Variants in SLC35F4 observed in about 807,000 individuals in gnomAD.
SLC35F4 encodes the protein solute carrier family 35 member F4.
In SLC35F4, 24 loss-of-function variants were observed where a neutral mutation model predicts 44.2. The ratio of observed to expected loss-of-function variants is 0.54; its 90% CI spans 0.39 to 0.76. The LOEUF is 0.76. SLC35F4 is among the 30% of genes least tolerant of loss of function. The probability of loss-of-function intolerance (pLI) is 0.00; values close to 1 mark genes in which losing one functional copy is unlikely to be tolerated. For synonymous variants in SLC35F4, 238 were observed against 223.6 expected (o/e 1.06, Z -0.57); for missense variants, 562 against 586.1 (o/e 0.96, Z 0.42).
chr14:57,956,306 A>G (rs1890236367), intron 1 of SLC35F4, among the ~76,000 whole-genome samples: 1 of 152,226 alleles, frequency 6.6e-6, no homozygotes, highest in Non-Finnish European at 1.5e-5. Flanking sequence ...TGGATTAAAG[A>G]CTTAAACGTA....
chr14:57,569,565 C>T (rs1404713718), intron 6 of SLC35F4, among the ~76,000 whole-genome samples: 6 of 152,172 alleles, frequency 3.9e-5, no homozygotes, highest in Non-Finnish European at 2.9e-5. Context: ...CCTGGGCCTC[C>T]AGTGCACACC....
At chr14:57,705,702 T>C (rs1182106598) in intron 1 of SLC35F4, among the ~76,000 whole-genome samples, 1 of 152,204 alleles carries the variant, frequency 6.6e-6, no homozygotes, top group African/African-American at 2.4e-5. Context: ...CCACTGTGAT[T>C]AGACTCTGAA....
At chr14:57,848,873 A>C (rs1261310437) in intron 1 of SLC35F4, among the ~76,000 whole-genome samples, 1 of 152,174 alleles carries the variant, frequency 6.6e-6, no homozygotes, top group Non-Finnish European at 1.5e-5. Context: ...CACCTTGGTT[A>C]CTTCATATTG....
At chr14:57,874,970 GAATA>G (rs148708016) in intron 1 of SLC35F4, among the ~76,000 whole-genome samples, 23,011 of 149,754 alleles carry the variant, frequency 0.15, 1,827 homozygotes, top group South Asian at 0.22. Context: ...AGAGGCAGTG[GAATA>G]AATAAATAAA....
At chr14:57,957,972 A>G (rs1890270181) in intron 1 of SLC35F4, among the ~76,000 whole-genome samples, 1 of 152,206 alleles carries the variant, frequency 6.6e-6, no homozygotes, top group Non-Finnish European at 1.5e-5. Context: ...TTTATAGAAA[A>G]TAACTGCTGC....
rs530749482 is a variant in SLC35F4, at chr14:57,720,147, A to G, written c.104-126023T>C. 2.6e-5 allele frequency among the ~76,000 whole-genome samples: 4 copies of G among 152,328 alleles called. No homozygotes were observed. The South Asian group carries it at 8.3e-4, about 32-fold the overall frequency. ...CATATCAAATCAATGATATGCAAAT[A>G]TCATTGAACCTTCCTTGCATCCCTG... On this transcript the variant is annotated intron_variant, in intron 1 of 7. Coordinates refer to ENST00000556826, the MANE Select transcript of SLC35F4 (RefSeq NM_001306087.2).
rs146328947 is a variant in SLC35F4 at position 57,614,367 on chromosome 14, C to T, written c.104-20243G>A. Among the ~76,000 whole-genome samples, 285 of 152,236 alleles carry T rather than the reference C, an allele frequency of 1.9e-3. 1 individual carries two copies. Among genetic ancestry groups the T allele is most frequent in the African/African-American group, 5.9e-3 (247 of 41,524 alleles). On this transcript the variant is annotated intron_variant, in intron 1 of 7. Coordinates refer to ENST00000556826, the MANE Select transcript of SLC35F4 (RefSeq NM_001306087.2). ...TTTCCAAAAACTCTCAGTGTTGGTG[C>T]CCTGGATATTTATTCTGTTTAATTT... is the stretch of plus-strand genomic sequence containing the variant.
At chr14:57,680,965 A>T (rs532032821) in intron 1 of SLC35F4, among the ~76,000 whole-genome samples, 1 of 152,174 alleles carries the variant, frequency 6.6e-6, no homozygotes, top group Non-Finnish European at 1.5e-5. Flanking sequence ...TATAAATTCA[A>T]TGTTCTTCCC....
intron 1 of SLC35F4, among the ~76,000 whole-genome samples, chr14:57,684,673 GCTCTT>G (rs1196425637): frequency 1.3e-5 from 2 of 152,196 alleles, no homozygotes; most frequent in Non-Finnish European, 2.9e-5. Context: ...CTCCTGAAGA[GCTCTT>G]CCTGGCCTCC....
At chr14:57,890,416 A>C (rs1056491221) in intron 1 of SLC35F4, among the ~76,000 whole-genome samples, 1 of 152,232 alleles carries the variant, frequency 6.6e-6, no homozygotes, top group African/African-American at 2.4e-5. Flanking sequence ...CCTCAAATAC[A>C]GAAACCAACA....
intron 1 of SLC35F4, among the ~76,000 whole-genome samples, chr14:57,769,136 T>C (rs939111490): frequency 3.3e-5 from 5 of 152,090 alleles, no homozygotes; most frequent in African/African-American, 1.2e-4. Flanking sequence ...CCCAAATACT[T>C]AAGAGCAACC....
intron 1 of SLC35F4, among the ~76,000 whole-genome samples, chr14:57,849,778 T>C (rs1387884727): frequency 1.3e-5 from 2 of 152,146 alleles, no homozygotes; most frequent in Non-Finnish European, 2.9e-5. Flanking sequence ...AGCCATTACA[T>C]CAGAAACCAT....
chr14:57,605,180 GA>G (rs989488144), intron 1 of SLC35F4, among the ~76,000 whole-genome samples: 1 of 152,156 alleles, frequency 6.6e-6, no homozygotes, highest in Non-Finnish European at 1.5e-5. Flanking sequence ...ACAACCTTTA[GA>G]ATTGGAGAAA....
At chr14:57,840,019 C>T (rs747364646) in intron 1 of SLC35F4, among the ~76,000 whole-genome samples, 5 of 152,142 alleles carry the variant, frequency 3.3e-5, no homozygotes, top group African/African-American at 9.7e-5. Context: ...ATAATAATAA[C>T]ATTCATACAT....
At position 57,581,452 on chromosome 14, in the gene SLC35F4, G is replaced by T. The variant is rs371937518; in HGVS notation, c.588-19C>A. The T allele has an allele frequency of 2.5e-6, 4 of 1,589,054 alleles. No homozygotes were observed. Among genetic ancestry groups the T allele is most frequent in the Non-Finnish European group, 3.4e-6 (4 of 1,166,664 alleles). On this transcript the variant is annotated intron_variant, in intron 3 of 7. Coordinates refer to ENST00000556826, the MANE Select transcript of SLC35F4 (RefSeq NM_001306087.2). ...GCATTCCCTAGGAAAGAAAAGAGAA[G>T]TTAATATCCAGGTACTGATGGTGAC...
intron 1 of SLC35F4, among the ~76,000 whole-genome samples, chr14:57,883,123 G>A (rs900368589): frequency 5.9e-5 from 9 of 152,206 alleles, no homozygotes; most frequent in South Asian, 4.2e-4. Context: ...AGAAGAATGC[G>A]ACATGGAACA....
At chr14:57,640,141 C>G (rs2073164568) in intron 1 of SLC35F4, among the ~76,000 whole-genome samples, 1 of 151,940 alleles carries the variant, frequency 6.6e-6, no homozygotes, top group Non-Finnish European at 1.5e-5. Flanking sequence ...AAGTTTCTCT[C>G]CAATGGTCTC....
At chr14:57,672,605 G>GTCCTAA (rs1431984468) in intron 1 of SLC35F4, among the ~76,000 whole-genome samples, 2 of 152,046 alleles carry the variant, frequency 1.3e-5, no homozygotes, top group African/African-American at 4.8e-5. Context: ...CCTAAAAAGT[G>GTCCTAA]AAAGCTCTTT....
At chr14:57,969,637 T>C (rs1445435552) in intron 1 of SLC35F4, among the ~76,000 whole-genome samples, 1 of 152,222 alleles carries the variant, frequency 6.6e-6, no homozygotes, top group Non-Finnish European at 1.5e-5. Flanking sequence ...GTGTTTTCCA[T>C]GTTGCATAAC....
Sources: gnomAD v4.1 joint callset for allele counts (sites outside exome capture counted in the v4.1 genomes callset) on GRCh38, gnomAD v4.1.1 for gene constraint, MANE v1.5 for transcripts, NCBI Gene and HGNC (gene_info 2026-07-23, HGNC 2026-07-21) for gene names.